The following PLEKHH2 variants were observed in gnomAD, a reference collection of about 807,000 sequenced individuals.
PLEKHH2 encodes pleckstrin homology domain-containing family H member 2.
Under a neutral mutation model 187.9 loss-of-function variants are expected in PLEKHH2, and 129 were observed. The ratio of observed to expected loss-of-function variants is 0.69; its 90% CI spans 0.59 to 0.79. PLEKHH2 has a LOEUF of 0.79. Ranked by LOEUF, PLEKHH2 falls within the 30% of genes least tolerant of loss-of-function variation. PLEKHH2 has a pLI of 0.00. For synonymous variants in PLEKHH2, 686 were observed against 605.6 expected, an observed-to-expected ratio of 1.13 and a Z score of -1.95; for missense variants, 2,076 against 1,751.2, an observed-to-expected ratio of 1.19 and a Z score of -3.31.
intron 2 of PLEKHH2, among the ~76,000 whole-genome samples, chr2:43,656,158 T>C (rs1222917261): frequency 6.6e-6 from 1 of 152,110 alleles, no homozygotes; most frequent in Non-Finnish European, 1.5e-5. Context: ...GATTTTGCCA[T>C]GTTGGCCAGG....
intron 15 of PLEKHH2, among the ~76,000 whole-genome samples, chr2:43,715,773 G>T (rs114349395): frequency 0.019 from 2,901 of 152,280 alleles, 30 homozygotes; most frequent in Non-Finnish European, 0.025. Context: ...TCAGGAGCTG[G>T]TAGGATGTCT....
chr2:43,735,852 G>A (rs558883881), intron 19 of PLEKHH2, among the ~76,000 whole-genome samples: 5 of 152,170 alleles, frequency 3.3e-5, no homozygotes, highest in East Asian at 3.9e-4. Context: ...TGTAGATGCC[G>A]AAAAGGCATT....
At chr2:43,730,075 T>G (rs1053346949) in intron 18 of PLEKHH2, among the ~76,000 whole-genome samples, 1 of 152,134 alleles carries the variant, frequency 6.6e-6, no homozygotes, top group South Asian at 2.1e-4. Context: ...CCTCTGCAGC[T>G]CAGCATCTGG....
intron 28 of PLEKHH2, among the ~76,000 whole-genome samples, chr2:43,763,697 G>C (rs1672517598): frequency 6.6e-6 from 1 of 151,118 alleles, no homozygotes; most frequent in Non-Finnish European, 1.5e-5. Flanking sequence ...CCCGGCCTAA[G>C]TTATATTTTT....
intron 17 of PLEKHH2, 127 bp from the exon 18 acceptor site, chr2:43,729,507 CATT>C (rs562373287): frequency 4.2e-4 from 228 of 547,536 alleles, no homozygotes; most frequent in African/African-American, 3.7e-3. Context: ...AATGGCTTTT[CATT>C]ATTATTTAAA....
At position 43,731,271 on chromosome 2, in the gene PLEKHH2, T is replaced by G. The variant is rs188774987; in HGVS notation, c.2831-219T>G. Reference sequence around the variant, plus strand: ...TTCCCCAAAAACCTATGGAAATTTTTAAAATTAAAAAAAACAAAACACAAA... The same window carrying G: ...TTCCCCAAAAACCTATGGAAATTTTGAAAATTAAAAAAAACAAAACACAAA... On this transcript the variant is annotated intron_variant, in intron 18 of 29. Transcript: ENST00000282406. Among the ~76,000 whole-genome samples the G allele has an allele frequency of 4.6e-5, 7 of 152,190 alleles. No individual in the cohort carries two copies. The East Asian group carries it at 1.3e-3, about 29-fold the overall frequency.
At chr2:43,678,385 C>G (rs75551785) in intron 2 of PLEKHH2, among the ~76,000 whole-genome samples, 1 of 149,066 alleles carries the variant, frequency 6.7e-6, no homozygotes, top group Non-Finnish European at 1.5e-5. Context: ...TTGTAGCGAG[C>G]CGAGATCACG....
chr2:43,714,542 A>C (rs1185849867), intron 15 of PLEKHH2, among the ~76,000 whole-genome samples: 1 of 152,176 alleles, frequency 6.6e-6, no homozygotes, highest in Non-Finnish European at 1.5e-5. Context: ...CTTGGAGGGG[A>C]GGAAGTTTTC....
At chr2:43,669,537 G>A (rs543624552) in intron 2 of PLEKHH2, among the ~76,000 whole-genome samples, 4 of 152,116 alleles carry the variant, frequency 2.6e-5, no homozygotes, top group Admixed American at 6.5e-5. Context: ...TATAAGACAC[G>A]AATAGCATGA....
intron 10 of PLEKHH2, among the ~76,000 whole-genome samples, chr2:43,707,052 C>T (rs865783176): frequency 2.6e-5 from 4 of 151,756 alleles, no homozygotes; most frequent in Admixed American, 6.6e-5. Context: ...AAAAATTAGC[C>T]GGGCGTGGTG....
At chr2:43,689,372 G>T (rs935050147) in intron 3 of PLEKHH2, among the ~76,000 whole-genome samples, 1 of 152,224 alleles carries the variant, frequency 6.6e-6, no homozygotes, top group African/African-American at 2.4e-5. Context: ...GGCTATCCGT[G>T]TATACACATT....
At chr2:43,649,141 C>T (rs989986593) in intron 2 of PLEKHH2, among the ~76,000 whole-genome samples, 11 of 152,076 alleles carry the variant, frequency 7.2e-5, no homozygotes, top group South Asian at 2.1e-4. Context: ...GCAAGTGCTG[C>T]TGTAAGTGGG....
At chr2:43,758,168 T>C (rs1419707975) in intron 26 of PLEKHH2, among the ~76,000 whole-genome samples, 1 of 152,220 alleles carries the variant, frequency 6.6e-6, no homozygotes, top group Non-Finnish European at 1.5e-5. Flanking sequence ...TTGACAAGTT[T>C]CACCTTGCAT....
rs1313101945 is a variant in PLEKHH2 at position 43,754,594 on chromosome 2, T to TAAG, written c.3795+838_3795+840dup. 2.6e-5 allele frequency among the ~76,000 whole-genome samples: 4 copies of TAAG among 152,152 alleles called. No homozygotes were observed. The East Asian group carries it at 7.7e-4, about 29-fold the overall frequency. On this transcript the variant is annotated intron_variant, in intron 25 of 29. Coordinates refer to ENST00000282406, the MANE Select transcript of PLEKHH2 (RefSeq NM_172069.4). ...GCCCAGCTAAATTTAAGGTTTTTCT[T>TAAG]AAGAAGGAGAGAATGGTCATAAGAT...
rs1289890444 is a variant in PLEKHH2, at chr2:43,699,879, C to G, written c.921C>G (p.Ser307=). 2 of 1,614,102 alleles carry G rather than the reference C, an allele frequency of 1.2e-6. No individual in the cohort carries two copies. The highest frequency in any genetic ancestry group is 1.7e-6 in the Non-Finnish European group (2 of 1,179,986). Residue 307 remains serine (S), a synonymous_variant, in exon 8 of 30, where the codon TCC becomes TCG. Transcript: ENST00000282406. ...AGTCCAGATGCACATCCACCCTCTC[C>G]AGTCACACATCTGAGGAAGGGGTCC... ...RSKSRCTSTL[S]SHTSEEGVQC...
chr2:43,696,536 G>A (rs1369881655), intron 6 of PLEKHH2, among the ~76,000 whole-genome samples: 2 of 150,144 alleles, frequency 1.3e-5, no homozygotes, highest in Admixed American at 1.3e-4. Flanking sequence ...ATGATTAGAT[G>A]CTGACCTAAT....
chr2:43,757,893 G>T (rs1364253451), intron 26 of PLEKHH2, among the ~76,000 whole-genome samples: 1 of 151,798 alleles, frequency 6.6e-6, no homozygotes, highest in Non-Finnish European at 1.5e-5. Flanking sequence ...ATTTTATGAA[G>T]TACATACCAA....
Position 43,753,570 on chromosome 2 carries a change from T to C in PLEKHH2, c.3654-49T>C, listed in dbSNP as rs188798576. ...CCTCTGGATTTATCTTTACTTTATT[T>C]CCTTGTAAGAATATAATTTAATGAG... is the stretch of plus-strand genomic sequence containing the variant. On this transcript the variant is annotated intron_variant, in intron 24 of 29. Transcript: ENST00000282406. 13 of 1,361,700 alleles carry C rather than the reference T, an allele frequency of 9.5e-6. No individual in the cohort carries two copies. The South Asian group carries it at 1.9e-4, about 19-fold the overall frequency. 84.4% of individuals were successfully genotyped at this position (1,361,700 alleles called of 1,614,324 possible).
chr2:43,717,481 G>A (rs1215578733), intron 15 of PLEKHH2, among the ~76,000 whole-genome samples: 1 of 152,180 alleles, frequency 6.6e-6, no homozygotes, highest in Non-Finnish European at 1.5e-5. Context: ...GTGAGAGGGG[G>A]AGGGAAGTGG....
Sources: gnomAD v4.1 joint callset for allele counts (sites outside exome capture counted in the v4.1 genomes callset) on GRCh38, gnomAD v4.1.1 for gene constraint, MANE v1.5 for transcripts, NCBI Gene and HGNC (gene_info 2026-07-23, HGNC 2026-07-21) for gene names.